The following LINGO2 variants were observed in gnomAD, a reference collection of about 807,000 sequenced individuals.
LINGO2 encodes the protein leucine rich repeat and Ig domain containing 2, also known as leucine-rich repeat and immunoglobulin-like domain-containing nogo receptor-interacting protein 2.
LINGO2 carries 14 observed loss-of-function variants against 30.6 expected under a neutral mutation model. The observed-to-expected ratio is 0.46, with a 90% CI of 0.30 to 0.72. LINGO2 has a LOEUF of 0.72. Ranked by LOEUF, LINGO2 falls within the 30% of genes least tolerant of loss-of-function variation. The probability of loss-of-function intolerance (pLI) is 0.07; values close to 1 mark genes in which losing one functional copy is unlikely to be tolerated. For missense variants in LINGO2, 729 were observed against 751.7 expected (o/e 0.97, Z 0.35); for synonymous variants, 317 against 288.5 (o/e 1.10, Z -1.00).
At chr9:28,394,608 C>T (rs1242758032) in intron 2 of LINGO2, among the ~76,000 whole-genome samples, 1 of 152,154 alleles carries the variant, frequency 6.6e-6, no homozygotes, top group African/African-American at 2.4e-5. Context: ...GGTGATTAAC[C>T]TTTCCTCCCT....
intron 4 of LINGO2, among the ~76,000 whole-genome samples, chr9:28,236,178 G>T (rs1049656785): frequency 1.1e-4 from 17 of 152,020 alleles, no homozygotes; most frequent in Admixed American, 3.9e-4. Context: ...AGAGTGAAAT[G>T]ACATATTTTT....
At chr9:28,032,718 G>C (rs1256678353) in intron 4 of LINGO2, among the ~76,000 whole-genome samples, 4 of 152,182 alleles carry the variant, frequency 2.6e-5, no homozygotes, top group African/African-American at 9.7e-5. Context: ...TAACCCATGA[G>C]TGAGCATACA....
intron 4 of LINGO2, among the ~76,000 whole-genome samples, chr9:28,055,823 AGTC>A (rs906071201): frequency 6.6e-6 from 1 of 152,184 alleles, no homozygotes; most frequent in Non-Finnish European, 1.5e-5. Context: ...TATCTAAAAA[AGTC>A]TTCTTGCTTA....
chr9:29,182,664 A>G, the LINGO2 span, among the ~76,000 whole-genome samples: 2 of 150,264 alleles, frequency 1.3e-5, no homozygotes, highest in African/African-American at 4.9e-5. Context: ...AGCCAAGGAA[A>G]GAAATGAAGA....
chr9:28,329,067 G>A lies in LINGO2; in HGVS notation c.-245-33701C>T, dbSNP rs1825329779. 2.0e-5 allele frequency among the ~76,000 whole-genome samples: 3 copies of A among 152,136 alleles called. No individual in the cohort carries two copies. Among genetic ancestry groups the A allele is most frequent in the Non-Finnish European group, 2.9e-5 (2 of 68,000 alleles). On this transcript the variant is annotated intron_variant, in intron 3 of 5. Coordinates refer to ENST00000379992, the Ensembl canonical transcript of LINGO2. This position sits in a 1 kb window ranked among gnomAD's most constrained non-coding sequence, Gnocchi z 4.5. The stretch of plus-strand genomic sequence containing the variant: ...CTAGGCCTTATCCCTTACAAGAGCA[G>A]TCCCAGTATTTCTTGGTGTGTTGCT...
chr9:28,654,620 C>T (rs1828254697), intron 1 of LINGO2, among the ~76,000 whole-genome samples: 1 of 151,920 alleles, frequency 6.6e-6, no homozygotes, highest in African/African-American at 2.4e-5. Context: ...CTCCAGTCTC[C>T]CATGTCTTAG....
At chr9:28,559,498 GCTCT>G (rs1822926552) in intron 1 of LINGO2, among the ~76,000 whole-genome samples, 1 of 152,048 alleles carries the variant, frequency 6.6e-6, no homozygotes, top group African/African-American at 2.4e-5. Context: ...CTTGTAGTAT[GCTCT>G]TCCAACCTCA....
chr9:29,133,904 C>CTAAA, the LINGO2 span, among the ~76,000 whole-genome samples: 2 of 152,024 alleles, frequency 1.3e-5, no homozygotes, highest in Non-Finnish European at 2.9e-5. Flanking sequence ...GTCCCATCTG[C>CTAAA]TAAATGTGTA....
At position 28,242,142 on chromosome 9, in the gene LINGO2, T is replaced by G. The variant is rs1821823318; in HGVS notation, c.-87+53066A>C. On this transcript the variant is annotated intron_variant, in intron 4 of 5. Coordinates refer to ENST00000379992, the Ensembl canonical transcript of LINGO2. ...GATGAGATGGACAAATTGACAAAAG[T>G]AGGCTTCAGAAGGTGGGTAATAACA... is the stretch of plus-strand genomic sequence containing the variant. Among the ~76,000 whole-genome samples, 4 of 152,256 alleles carry G rather than the reference T, an allele frequency of 2.6e-5. No homozygotes were observed. In the East Asian group the frequency reaches 7.7e-4, roughly 29 times the overall value.
chr9:28,670,392 A>G (rs1452106085), upstream of LINGO2: 1 of 152,118 alleles, frequency 6.6e-6, no homozygotes, highest in African/African-American at 2.4e-5. Context: ...TTTTAAAAAT[A>G]CCTGACTATA....
At chr9:28,997,501 C>T in the LINGO2 span, among the ~76,000 whole-genome samples, 2 of 151,942 alleles carry the variant, frequency 1.3e-5, no homozygotes, top group African/African-American at 4.8e-5. Flanking sequence ...CTGGGTGCCC[C>T]AGTAATACAT....
intron 1 of LINGO2, among the ~76,000 whole-genome samples, chr9:28,529,606 C>CTT (rs201066699): frequency 2.9e-3 from 361 of 125,270 alleles, no homozygotes; most frequent in African/African-American, 9.9e-3. Context: ...ATTGCAAATA[C>CTT]TTTTTTTTTT....
chr9:28,570,452 TCTC>T (rs1319812053), intron 1 of LINGO2, among the ~76,000 whole-genome samples: 3 of 151,918 alleles, frequency 2.0e-5, no homozygotes, highest in African/African-American at 7.2e-5. Context: ...AGAGTTTTCT[TCTC>T]CTTTATCTGT....
At chr9:29,024,917 A>G in the LINGO2 span, among the ~76,000 whole-genome samples, 1 of 152,134 alleles carries the variant, frequency 6.6e-6, no homozygotes, top group Non-Finnish European at 1.5e-5. Flanking sequence ...TAGCTGTATT[A>G]AACCTGTCTG....
At chr9:29,189,873 G>C in the LINGO2 span, among the ~76,000 whole-genome samples, 1 of 151,538 alleles carries the variant, frequency 6.6e-6, no homozygotes, top group Admixed American at 6.6e-5. Context: ...CCAGTCAGGC[G>C]TGGCAGCGCG....
At chr9:28,457,637 GC>G (rs1473201008) in intron 2 of LINGO2, among the ~76,000 whole-genome samples, 1 of 151,806 alleles carries the variant, frequency 6.6e-6, no homozygotes, top group Admixed American at 6.6e-5. Flanking sequence ...TCATTATATT[GC>G]CCAAGTTGGT....
chr9:28,305,531 A>C lies in LINGO2; in HGVS notation c.-245-10165T>G, dbSNP rs1342103317. Among the ~76,000 whole-genome samples the C allele has an allele frequency of 2.0e-5, 3 of 152,070 alleles. No homozygotes were observed. The East Asian group carries it at 5.8e-4, about 29-fold the overall frequency. On this transcript the variant is annotated intron_variant, in intron 3 of 5. Coordinates refer to ENST00000379992, the Ensembl canonical transcript of LINGO2. Reference sequence around the variant, plus strand: ...ATTTAGTAAGGCTACAGAATAGAAAAATTACATACAAAAACCAATTGTATT... The same window carrying C: ...ATTTAGTAAGGCTACAGAATAGAAACATTACATACAAAAACCAATTGTATT...
At chr9:29,164,899 T>C in the LINGO2 span, among the ~76,000 whole-genome samples, 1 of 152,280 alleles carries the variant, frequency 6.6e-6, no homozygotes, top group Non-Finnish European at 1.5e-5. Flanking sequence ...ATAATAGTTA[T>C]AGTAGGGTAT....
the LINGO2 span, among the ~76,000 whole-genome samples, chr9:28,827,380 C>T: frequency 2.0e-5 from 3 of 152,134 alleles, no homozygotes; most frequent in African/African-American, 7.2e-5. Flanking sequence ...TTAATTTACT[C>T]TTTGATGGGT....
Sources: allele counts gnomAD v4.1 joint callset (sites outside exome capture counted in the v4.1 genomes callset), GRCh38; gene constraint gnomAD v4.1.1; non-coding constraint Gnocchi (gnomAD v3.1); transcripts MANE v1.5; gene names NCBI Gene and HGNC (gene_info 2026-07-23, HGNC 2026-07-21).